CADM1: variants seen among roughly 807,000 people sequenced by gnomAD.
CADM1 encodes the protein cell adhesion molecule 1, also known as TSLC-1.
A neutral mutation model predicts 53.1 loss-of-function variants in CADM1; 15 were observed. The observed-to-expected ratio is 0.28, with a 90% confidence interval of 0.19 to 0.44. The LOEUF (loss-of-function observed/expected upper bound fraction) is 0.44, where lower values mean the gene tolerates loss of function less well. Ranked by LOEUF, CADM1 falls within the 20% of genes least tolerant of loss-of-function variation. The pLI is 1.00. For synonymous variants in CADM1, 281 were observed against 243.0 expected (o/e 1.16, Z -1.45); for missense variants, 434 against 611.3 (o/e 0.71, Z 3.06).
rs550636254 is a variant in CADM1, at chr11:115,316,006, T to TAG, written c.125-75588_125-75587dup. On this transcript the variant is annotated intron_variant, in intron 1 of 11. Transcript: ENST00000331581. ...ATATGGAGCATTCCAGCTCCTCCTGTAGACAGGCATCCTGCGAAGAGTCTC... is the reference window on the plus strand; with the variant it reads ...ATATGGAGCATTCCAGCTCCTCCTGTAGAGACAGGCATCCTGCGAAGAGTCTC... 2.2e-4 allele frequency among the ~76,000 whole-genome samples: 33 copies of TAG among 152,294 alleles called. No homozygotes were observed. In the East Asian group the frequency reaches 5.0e-3, roughly 23 times the overall value.
chr11:115,447,914 C>T (rs1046727614), intron 1 of CADM1, among the ~76,000 whole-genome samples: 3 of 152,172 alleles, frequency 2.0e-5, no homozygotes, highest in Non-Finnish European at 4.4e-5. Context: ...TTCTTAGGTG[C>T]TCTTTCTTAG....
intron 1 of CADM1, among the ~76,000 whole-genome samples, chr11:115,451,434 C>T (rs554701295): frequency 6.6e-6 from 1 of 152,194 alleles, no homozygotes; most frequent in Non-Finnish European, 1.5e-5. Flanking sequence ...CTAATTTCCC[C>T]TTCTTGATTA....
intron 1 of CADM1, among the ~76,000 whole-genome samples, chr11:115,378,437 C>A (rs1211593346): frequency 6.6e-6 from 1 of 152,096 alleles, no homozygotes; most frequent in East Asian, 1.9e-4. Context: ...AAAATTCATT[C>A]CATCCACATT....
intron 9 of CADM1, among the ~76,000 whole-genome samples, chr11:115,192,908 G>T (rs775894924): frequency 4.6e-5 from 7 of 152,084 alleles, no homozygotes; most frequent in Non-Finnish European, 7.3e-5. Context: ...TCTACTGCTC[G>T]GATTACGTTC....
rs12281948 is a variant in CADM1 at position 115,258,414 on chromosome 11, T to C, written c.125-17994A>G. On this transcript the variant is annotated intron_variant, in intron 1 of 11. Transcript: ENST00000331581. ...GCTAGGAATCAATACAGTTCTTATC[T>C]GTCACAAACCACAAGAAAAGCATGG... Among the ~76,000 whole-genome samples the C allele has an allele frequency of 4.9e-3, 740 of 152,324 alleles. 8 individuals are homozygous for C. The highest frequency in any genetic ancestry group is 0.017 in the African/African-American group (713 of 41,578).
At chr11:115,263,412 T>C (rs1015460635) in intron 1 of CADM1, among the ~76,000 whole-genome samples, 1 of 152,246 alleles carries the variant, frequency 6.6e-6, no homozygotes, top group Non-Finnish European at 1.5e-5. Flanking sequence ...GCTGTGAAAC[T>C]ATCATGTTTC....
chr11:115,365,566 TA>T (rs1463304618), intron 1 of CADM1, among the ~76,000 whole-genome samples: 1 of 152,036 alleles, frequency 6.6e-6, no homozygotes, highest in East Asian at 1.9e-4. Context: ...AACAAAAATA[TA>T]TATATACAGA....
At chr11:115,474,127 T>C (rs1949074728) in intron 1 of CADM1, among the ~76,000 whole-genome samples, 3 of 151,488 alleles carry the variant, frequency 2.0e-5, no homozygotes, top group South Asian at 4.2e-4. Flanking sequence ...ACCCGGTCTC[T>C]ACTAAAAATA....
intron 1 of CADM1, among the ~76,000 whole-genome samples, chr11:115,297,882 C>T (rs7129184): frequency 4.9e-4 from 74 of 152,216 alleles, no homozygotes; most frequent in Non-Finnish European, 6.2e-4. Flanking sequence ...GAGAGCTGCA[C>T]TAATGTGGAA....
chr11:115,298,126 T>C (rs749758845), intron 1 of CADM1, among the ~76,000 whole-genome samples: 27 of 152,200 alleles, frequency 1.8e-4, no homozygotes, highest in Admixed American at 3.9e-4. Flanking sequence ...CCGTGAATAA[T>C]CCACAAAGTA....
intron 1 of CADM1, among the ~76,000 whole-genome samples, chr11:115,402,252 C>T (rs953264340): frequency 6.6e-6 from 1 of 152,120 alleles, no homozygotes; most frequent in African/African-American, 2.4e-5. Context: ...GGTCCAGGTA[C>T]GGTGGCTCAC....
intron 1 of CADM1, among the ~76,000 whole-genome samples, chr11:115,317,689 A>C (rs985018697): frequency 6.6e-6 from 1 of 152,174 alleles, no homozygotes; most frequent in African/African-American, 2.4e-5. Context: ...TACCTCCACC[A>C]CATGAACCAA....
chr11:115,265,146 CACTT>C (rs1340679245), intron 1 of CADM1, among the ~76,000 whole-genome samples: 3 of 152,192 alleles, frequency 2.0e-5, no homozygotes, highest in African/African-American at 4.8e-5. Flanking sequence ...TGAATATACA[CACTT>C]ACATCAGGAA....
intron 1 of CADM1, among the ~76,000 whole-genome samples, chr11:115,439,841 A>C (rs189944733): frequency 6.6e-6 from 1 of 152,342 alleles, no homozygotes; most frequent in East Asian, 1.9e-4. Flanking sequence ...CCATCAAAAC[A>C]TTGGAGTAGG....
chr11:115,487,278 C>T (rs951761919), intron 1 of CADM1, among the ~76,000 whole-genome samples: 6 of 152,106 alleles, frequency 3.9e-5, no homozygotes, highest in East Asian at 1.9e-4. Context: ...ACCAGATAAA[C>T]GTTATCAAAT....
At position 115,460,613 on chromosome 11, in the gene CADM1, A is replaced by G. The variant is rs555137798; in HGVS notation, c.124+43658T>C. ...AGAAATGATAATAACAGCCCTAATA[A>G]TAACAAAAGTTATTTATTGAGTAAT... is the stretch of plus-strand genomic sequence containing the variant. On this transcript the variant is annotated intron_variant, in intron 1 of 11. Coordinates refer to ENST00000331581, the MANE Select transcript of CADM1 (RefSeq NM_001301043.2). Among the ~76,000 whole-genome samples the G allele has an allele frequency of 3.9e-5, 6 of 152,316 alleles. No homozygotes were observed. The South Asian group carries it at 1.0e-3, about 26-fold the overall frequency.
chr11:115,351,240 T>C (rs996941189), intron 1 of CADM1, among the ~76,000 whole-genome samples: 2 of 152,220 alleles, frequency 1.3e-5, no homozygotes, highest in Non-Finnish European at 2.9e-5. Flanking sequence ...TTGTCTGGTC[T>C]CTGGTATTTG....
At chr11:115,251,679 C>T (rs1243102785) in intron 1 of CADM1, among the ~76,000 whole-genome samples, 4 of 152,124 alleles carry the variant, frequency 2.6e-5, no homozygotes, top group Admixed American at 6.5e-5. Context: ...ATGACTAAGG[C>T]CCTTATTGCT....
chr11:115,246,701 A>C (rs527900990), intron 1 of CADM1, among the ~76,000 whole-genome samples: 2 of 152,314 alleles, frequency 1.3e-5, no homozygotes, highest in East Asian at 3.9e-4. Flanking sequence ...TTACAAAAGC[A>C]ATATGTGCTC....
Sources: gnomAD v4.1 joint callset for allele counts (sites outside exome capture counted in the v4.1 genomes callset) on GRCh38, gnomAD v4.1.1 for gene constraint, MANE v1.5 for transcripts, NCBI Gene and HGNC (gene_info 2026-07-23, HGNC 2026-07-21) for gene names.